Variants in KIAA2012 observed in about 807,000 individuals in gnomAD.
KIAA2012 encodes uncharacterized protein KIAA2012.
A neutral mutation model predicts 150.6 loss-of-function variants in KIAA2012; 125 were observed. That is an observed-to-expected ratio of 0.83 (90% CI 0.72 to 0.96). The LOEUF is 0.96. Among genes scored for constraint, KIAA2012 ranks in the 40% least tolerant of loss-of-function variants. KIAA2012 has a pLI of 0.00. For synonymous variants in KIAA2012, 462 were observed against 504.7 expected, an observed-to-expected ratio of 0.92 and a Z score of 1.13; for missense variants, 1,219 against 1,354.9, an observed-to-expected ratio of 0.90 and a Z score of 1.57.
intron 2 of KIAA2012, among the ~76,000 whole-genome samples, chr2:202,085,000 ATTTTGTTGTTTTCCAC>A (rs1382416662): frequency 1.3e-5 from 2 of 152,120 alleles, no homozygotes; most frequent in Non-Finnish European, 2.9e-5. Context: ...GCTTTCTTAT[ATTTTGTTGTTTTCCAC>A]TGAAAATATT....
At chr2:202,076,888 G>A (rs1172092461) in intron 2 of KIAA2012, 2 of 445,738 alleles carry the variant, frequency 4.5e-6, no homozygotes, top group Admixed American at 2.4e-5. Flanking sequence ...GTTGACCACA[G>A]GCTATATACA....
At chr2:202,124,969 T>C (rs756347059) in intron 11 of KIAA2012, among the ~76,000 whole-genome samples, 1 of 152,072 alleles carries the variant, frequency 6.6e-6, no homozygotes, top group Non-Finnish European at 1.5e-5. Flanking sequence ...AGCCAGGTGG[T>C]TGAGGCAGAA....
At chr2:202,160,516 T>C (rs1284630798) in intron 14 of KIAA2012, among the ~76,000 whole-genome samples, 2 of 152,028 alleles carry the variant, frequency 1.3e-5, no homozygotes, top group Non-Finnish European at 2.9e-5. Flanking sequence ...GGTTTTACCA[T>C]GTTAGCCAGC....
intron 14 of KIAA2012, among the ~76,000 whole-genome samples, chr2:202,163,852 C>G (rs575608358): frequency 7.4e-6 from 1 of 134,794 alleles, no homozygotes; most frequent in South Asian, 2.3e-4. Flanking sequence ...ATAAGAAACC[C>G]AAAAGTAAGA....
rs187918459 is a variant in KIAA2012, at chr2:202,129,408, T to C, written c.1831+4126T>C. ...CTAATTTTTGTAATTTTAGTAGAGA[T>C]AGGGTCTCACCATGTTGGCCAGGCT... On this transcript the variant is annotated intron_variant, in intron 12 of 23. Coordinates refer to ENST00000498697, the MANE Select transcript of KIAA2012 (RefSeq NM_001277372.4). Among the ~76,000 whole-genome samples, 251 of 152,076 alleles carry C rather than the reference T, an allele frequency of 1.7e-3. 2 individuals are homozygous for C. Among genetic ancestry groups the C allele is most frequent in the African/African-American group, 5.7e-3 (238 of 41,512 alleles).
At chr2:202,132,496 G>A (rs1332476861) in intron 12 of KIAA2012, among the ~76,000 whole-genome samples, 6 of 151,280 alleles carry the variant, frequency 4.0e-5, no homozygotes, top group South Asian at 2.1e-4. Context: ...GCAAAACCCC[G>A]TCTCTACTGA....
intron 15 of KIAA2012, among the ~76,000 whole-genome samples, chr2:202,181,229 C>T (rs1023736429): frequency 2.6e-5 from 4 of 152,304 alleles, no homozygotes; most frequent in East Asian, 1.9e-4. Context: ...CTCAGCCTCC[C>T]AAAGTCCTGG....
intron 8 of KIAA2012, 106 bp downstream of exon 8, chr2:202,103,220 C>A (rs528116737): frequency 1.7e-4 from 172 of 1,032,230 alleles, no homozygotes; most frequent in African/African-American, 1.5e-3. Flanking sequence ...TGGTCATCCC[C>A]TTCAGAGAAT....
At chr2:202,198,174 C>CAAAAAAAAAAAAA (rs1009971980) in intron 22 of KIAA2012, among the ~76,000 whole-genome samples, 1 of 67,136 alleles carries the variant, frequency 1.5e-5, no homozygotes, top group Non-Finnish European at 2.7e-5. Context: ...GGCTCTTTCT[C>CAAAAAAAAAAAAA]AAAAAAAAAA....
chr2:202,121,114 G>A (rs181169182), intron 11 of KIAA2012, among the ~76,000 whole-genome samples: 13 of 152,264 alleles, frequency 8.5e-5, no homozygotes, highest in African/African-American at 2.4e-4. Context: ...GGACTTGGTC[G>A]TGGTAATAGC....
intron 3 of KIAA2012, 103 bp downstream of exon 3, chr2:202,091,032 G>A: frequency 1.4e-6 from 2 of 1,406,386 alleles, no homozygotes; most frequent in Non-Finnish European, 1.9e-6. Context: ...AGGATTTCAA[G>A]CCCAATTCTG....
At chr2:202,141,721 AT>A (rs1022425220) in intron 13 of KIAA2012, among the ~76,000 whole-genome samples, 2 of 152,128 alleles carry the variant, frequency 1.3e-5, no homozygotes, top group African/African-American at 4.8e-5. Flanking sequence ...ATTAAGGGAA[AT>A]TAGTTCCCGG....
intron 16 of KIAA2012, 47 bp downstream of exon 16, chr2:202,184,890 T>C (rs1692197161): frequency 1.4e-6 from 2 of 1,458,458 alleles, no homozygotes; most frequent in Non-Finnish European, 1.8e-6. Flanking sequence ...GCTTTTATTT[T>C]GTTTGTATTT....
At chr2:202,102,215 G>A (rs1348522356) in intron 7 of KIAA2012, among the ~76,000 whole-genome samples, 1 of 151,628 alleles carries the variant, frequency 6.6e-6, no homozygotes, top group South Asian at 2.1e-4. Flanking sequence ...CTTTTTGGGG[G>A]ACAGAAAAAA....
In KIAA2012 at chr2:202,110,966, G is replaced by A. The variant is rs146115853; in HGVS notation, c.1651+1177G>A. 5.3e-4 allele frequency among the ~76,000 whole-genome samples: 80 copies of A among 152,232 alleles called. 1 individual carries two copies. The highest frequency in any genetic ancestry group is 1.9e-3 in the East Asian group (10 of 5,176). ...CAACATTCTCTCTATCCCTAGAGAC[G>A]TTGTTTTCACCTAGAAACCGTTCCA... On this transcript the variant is annotated intron_variant, in intron 10 of 23. Coordinates refer to ENST00000498697, the MANE Select transcript of KIAA2012 (RefSeq NM_001277372.4).
At chr2:202,201,431 C>T in intron 22 of KIAA2012, 3 of 1,593,966 alleles carry the variant, frequency 1.9e-6, no homozygotes, top group South Asian at 2.2e-5. Flanking sequence ...AGTTCCCCTT[C>T]CACTGAGTTA....
At chr2:202,115,425 C>T (rs932357752) in intron 11 of KIAA2012, 1 of 152,100 alleles carries the variant, frequency 6.6e-6, no homozygotes, top group African/African-American at 2.4e-5. Context: ...CAAACTTTTG[C>T]TCAAGTTTCC....
chr2:202,201,469 C>CA, intron 22 of KIAA2012: 1 of 1,597,500 alleles, frequency 6.3e-7, no homozygotes, highest in Non-Finnish European at 8.6e-7. Flanking sequence ...TGCATGACTG[C>CA]AAGCTGAGCA....
rs969618865 is a variant in KIAA2012 at position 202,188,223 on chromosome 2, C to T, written c.2448C>T (p.Ser816=). Residue 816 remains serine (S), a synonymous_variant, in exon 18 of 24, where the codon AGC becomes AGT. Coordinates refer to ENST00000498697, the MANE Select transcript of KIAA2012 (RefSeq NM_001277372.4). ...PKKDKTKGPK[S]EREGKVYGQA... ...AAGACAAAACCAAAGGACCCAAAAG[C>T]GAGAGAGAAGGAAAGGTCTACGGGC... The T allele has an allele frequency of 1.1e-5, 17 of 1,550,144 alleles. No individual in the cohort carries two copies. Among genetic ancestry groups the T allele is most frequent in the East Asian group, 4.9e-5 (2 of 40,916 alleles).
Sources: gnomAD v4.1 joint callset for allele counts (sites outside exome capture counted in the v4.1 genomes callset) on GRCh38, gnomAD v4.1.1 for gene constraint, MANE v1.5 for transcripts, NCBI Gene and HGNC (gene_info 2026-07-23, HGNC 2026-07-21) for gene names.